IMMP2L: variants seen among roughly 807,000 people sequenced by gnomAD.
IMMP2L encodes the protein mitochondrial inner membrane protease subunit 2.
In IMMP2L, 18 loss-of-function variants were observed where a neutral mutation model predicts 19.3. That is an observed-to-expected ratio of 0.93 (90% CI 0.64 to 1.38). The LOEUF (loss-of-function observed/expected upper bound fraction) is 1.38, where lower values mean the gene tolerates loss of function less well. IMMP2L is among the 40% of genes most tolerant of loss of function. The pLI, the probability that IMMP2L is intolerant of heterozygous loss-of-function variation, is 0.00. For missense variants in IMMP2L, 233 were observed against 218.2 expected (o/e 1.07, Z -0.43); for synonymous variants, 76 against 73.0 (o/e 1.04, Z -0.21).
intron 1 of IMMP2L, among the ~76,000 whole-genome samples, chr7:111,541,339 C>T (rs113061514): frequency 2.6e-5 from 4 of 152,224 alleles, no homozygotes; most frequent in African/African-American, 9.6e-5. Flanking sequence ...CTGATCTTTA[C>T]GTCATACCTG....
chr7:111,539,283 G>C (rs1294880217), intron 1 of IMMP2L, among the ~76,000 whole-genome samples: 2 of 151,248 alleles, frequency 1.3e-5, no homozygotes. Flanking sequence ...AACATACGTC[G>C]ATTACTACAT....
At chr7:110,852,468 T>C (rs1253633508) in intron 5 of IMMP2L, among the ~76,000 whole-genome samples, 1 of 151,930 alleles carries the variant, frequency 6.6e-6, no homozygotes, top group African/African-American at 2.4e-5. Flanking sequence ...ACGGGGTGCA[T>C]TATAAAACAG....
intron 3 of IMMP2L, among the ~76,000 whole-genome samples, chr7:111,462,680 G>A (rs181774659): frequency 2.6e-5 from 4 of 151,942 alleles, no homozygotes; most frequent in Admixed American, 1.3e-4. Flanking sequence ...GAAGTTCAAC[G>A]ATAAAATGTG....
intron 3 of IMMP2L, among the ~76,000 whole-genome samples, chr7:111,258,707 T>C (rs763233370): frequency 6.6e-6 from 1 of 152,010 alleles, no homozygotes; most frequent in Non-Finnish European, 1.5e-5. Flanking sequence ...GGTTGCGCCA[T>C]GTTGGCCAGG....
At chr7:111,120,370 G>C (rs1373619428) in intron 3 of IMMP2L, among the ~76,000 whole-genome samples, 3 of 152,072 alleles carry the variant, frequency 2.0e-5, no homozygotes, top group Admixed American at 6.6e-5. Flanking sequence ...GAGAGAATGA[G>C]ACTCAAGCAA....
At position 111,528,142 on chromosome 7, in the gene IMMP2L, A is replaced by G. The variant is rs75960970; in HGVS notation, c.-2-6693T>C. On this transcript the variant is annotated intron_variant, in intron 1 of 5. Transcript: ENST00000405709. ...TCTTAAAGTTTTATGGCATTCACAT[A>G]TTGGCAAAGTTAATGCACCTCCTTG... is the stretch of plus-strand genomic sequence containing the variant. Among the ~76,000 whole-genome samples, 53 of 152,292 alleles carry G rather than the reference A, an allele frequency of 3.5e-4. No individual in the cohort carries two copies. In the East Asian group the frequency reaches 9.4e-3, roughly 27 times the overall value.
At chr7:111,235,606 T>TC (rs1217596803) in intron 3 of IMMP2L, among the ~76,000 whole-genome samples, 1 of 152,100 alleles carries the variant, frequency 6.6e-6, no homozygotes, top group Non-Finnish European at 1.5e-5. Context: ...CTGATACGTC[T>TC]CTTTTTTTTG....
intron 3 of IMMP2L, among the ~76,000 whole-genome samples, chr7:111,352,916 T>G (rs1441777093): frequency 6.6e-6 from 1 of 152,184 alleles, no homozygotes; most frequent in African/African-American, 2.4e-5. Flanking sequence ...GCACTGGTCT[T>G]GCATCCAGCT....
intron 3 of IMMP2L, among the ~76,000 whole-genome samples, chr7:111,327,056 ATATG>A (rs1250808274): frequency 6.6e-6 from 1 of 151,782 alleles, no homozygotes; most frequent in African/African-American, 2.4e-5. Context: ...GAATCCTGGC[ATATG>A]GATGGGGAAA....
intron 3 of IMMP2L, among the ~76,000 whole-genome samples, chr7:111,223,149 A>C (rs919402042): frequency 6.6e-6 from 1 of 152,072 alleles, no homozygotes; most frequent in Non-Finnish European, 1.5e-5. Flanking sequence ...ATGTATCAAA[A>C]TATAAAAATA....
At chr7:111,066,856 G>A (rs35791388) in intron 3 of IMMP2L, among the ~76,000 whole-genome samples, 1 of 152,108 alleles carries the variant, frequency 6.6e-6, no homozygotes. Context: ...TTAATGTAAG[G>A]GTTTTGGGTT....
chr7:111,268,034 C>T (rs28393834), intron 3 of IMMP2L, among the ~76,000 whole-genome samples: 6,930 of 152,130 alleles, frequency 0.046, 567 homozygotes, highest in African/African-American at 0.16. Context: ...ACCCCAGCTT[C>T]ACAAAACAAA....
intron 3 of IMMP2L, among the ~76,000 whole-genome samples, chr7:111,329,619 T>G (rs895038504): frequency 2.6e-5 from 4 of 151,774 alleles, no homozygotes; most frequent in Non-Finnish European, 5.9e-5. Context: ...ACATGGGACA[T>G]GACAAGCCAC....
rs1447215771 is a variant in IMMP2L at position 111,123,012 on chromosome 7, T to C, written c.240-159447A>G. On this transcript the variant is annotated intron_variant, in intron 3 of 5. Coordinates refer to ENST00000405709, the MANE Select transcript of IMMP2L (RefSeq NM_032549.4). This position sits in a 1 kb window ranked among gnomAD's most constrained non-coding sequence, Gnocchi z 6.4. ...AGATTCTTCTCCTACAGACTAACAA[T>C]ATTGCAAAAATTGAATACTCCACAG... 8 of 1,613,946 alleles carry C rather than the reference T, an allele frequency of 5.0e-6. No individual in the cohort carries two copies. Among genetic ancestry groups the C allele is most frequent in the African/African-American group, 1.3e-5 (1 of 75,016 alleles).
chr7:110,987,125 T>C (rs1385997120), intron 3 of IMMP2L, among the ~76,000 whole-genome samples: 3 of 152,184 alleles, frequency 2.0e-5, no homozygotes, highest in Non-Finnish European at 2.9e-5. Context: ...TCTATTTACC[T>C]ATAGTATATG....
chr7:111,028,404 C>A (rs918035532), intron 3 of IMMP2L, among the ~76,000 whole-genome samples: 1 of 152,096 alleles, frequency 6.6e-6, no homozygotes, highest in Admixed American at 6.6e-5. Context: ...CTTCAGTCTA[C>A]ATATTATACA....
chr7:111,101,355 T>A (rs1458455490), intron 3 of IMMP2L, among the ~76,000 whole-genome samples: 1 of 151,412 alleles, frequency 6.6e-6, no homozygotes, highest in Non-Finnish European at 1.5e-5. Context: ...ACAAGCAGAA[T>A]CATATATTCG....
intron 3 of IMMP2L, among the ~76,000 whole-genome samples, chr7:111,049,553 C>A (rs61079368): frequency 6.6e-6 from 1 of 152,284 alleles, no homozygotes; most frequent in African/African-American, 2.4e-5. Flanking sequence ...GTTGTCATTA[C>A]TTCAGAATGT....
At chr7:111,427,286 T>A (rs534037680) in intron 3 of IMMP2L, among the ~76,000 whole-genome samples, 1 of 151,832 alleles carries the variant, frequency 6.6e-6, no homozygotes, top group East Asian at 1.9e-4. Context: ...AATTATTTTC[T>A]GTAGGTACTA....
Sources: gnomAD v4.1 joint callset for allele counts (sites outside exome capture counted in the v4.1 genomes callset) on GRCh38, gnomAD v4.1.1 for gene constraint, Gnocchi (gnomAD v3.1) non-coding constraint, MANE v1.5 for transcripts, NCBI Gene and HGNC (gene_info 2026-07-23, HGNC 2026-07-21) for gene names.